The following TJP3 variants were observed in gnomAD, a reference collection of about 807,000 sequenced individuals.
TJP3 encodes tight junction protein 3.
A neutral mutation model predicts 104.2 loss-of-function variants in TJP3; 85 were observed. That is an observed-to-expected ratio of 0.82 (90% CI 0.68 to 0.98). The LOEUF (loss-of-function observed/expected upper bound fraction) is 0.98, where lower values mean the gene tolerates loss of function less well. TJP3 is among the 50% of genes least tolerant of loss of function. The pLI is 0.00. For synonymous variants in TJP3, 550 were observed against 550.6 expected, an observed-to-expected ratio of 1.00 and a Z score of 0.02; for missense variants, 1,367 against 1,322.8, an observed-to-expected ratio of 1.03 and a Z score of -0.52.
rs200607447 is a variant in TJP3 at position 3,730,487 on chromosome 19, G to A, written c.394G>A (p.Gly132Ser). 988 of 1,584,904 alleles carry A rather than the reference G, an allele frequency of 6.2e-4. 1 individual carries two copies. The highest frequency in any genetic ancestry group is 7.8e-4 in the Non-Finnish European group (907 of 1,166,382). The change falls in exon 5 of 21, where the codon GGC becomes AGC. Residue 132 changes from glycine (G) to serine (S), a missense_variant. Transcript: ENST00000541714. The surrounding 1 kb of genome is among the most constrained non-coding windows in gnomAD (Gnocchi z 7.3). ...GGTGGACCAGGGCCGGGGCTATGACGGCGACTCATCCAGTGGCTCCGGCCG... is the reference window on the plus strand; with the variant it reads ...GGTGGACCAGGGCCGGGGCTATGACAGCGACTCATCCAGTGGCTCCGGCCG... ...EEVDQGRGYD[G>S]DSSSGSGRSW...
Position 3,734,507 on chromosome 19 carries a change from C to T in TJP3, c.986+72C>T, listed in dbSNP as rs1053675150. The T allele has an allele frequency of 4.0e-5, 55 of 1,370,598 alleles. No homozygotes were observed. In the East Asian group the frequency reaches 4.8e-4, roughly 12 times the overall value. 84.9% of individuals were successfully genotyped at this position (1,370,598 alleles called of 1,614,324 possible). Reference sequence around the variant, plus strand: ...GGTGGGAGGGAGAGGGGAACGCGGGCGTAGCTTTCCAACTGGGGGTAACCT... The same window carrying T: ...GGTGGGAGGGAGAGGGGAACGCGGGTGTAGCTTTCCAACTGGGGGTAACCT... On this transcript the variant is annotated intron_variant, in intron 8 of 20. Coordinates refer to ENST00000541714, the MANE Select transcript of TJP3 (RefSeq NM_001267560.2).
intron 1 of TJP3, among the ~76,000 whole-genome samples, chr19:3,713,040 CTCCTACTTCAAAGTGCCCCCCATGAG>C (rs1287763160): frequency 3.9e-5 from 6 of 152,056 alleles, no homozygotes; most frequent in Admixed American, 6.6e-5. Context: ...TTCCACACTC[CTCCTACTTCAAAGTGCCCCCCATGAG>C]TCCTACTTCA....
At chr19:3,749,036 T>C (rs1205290700) in intron 19 of TJP3, among the ~76,000 whole-genome samples, 2 of 151,428 alleles carry the variant, frequency 1.3e-5, no homozygotes, top group East Asian at 3.9e-4. Context: ...TTTTTTTTTT[T>C]TTTTAAGGTA....
rs1341066163 is a variant in TJP3 at position 3,735,931 on chromosome 19, C to T, written c.1123C>T (p.Arg375Cys). 4.3e-6 allele frequency: 7 copies of T among 1,614,010 alleles called. No homozygotes were observed. Among genetic ancestry groups the T allele is most frequent in the East Asian group, 4.5e-5 (2 of 44,894 alleles). The change falls in exon 10 of 21, where the codon CGT becomes TGT. Residue 375 changes from arginine to cysteine, a missense_variant. Arg to Cys is a radical substitution (Grantham distance 180). Coordinates refer to ENST00000541714, the MANE Select transcript of TJP3 (RefSeq NM_001267560.2). The stretch of plus-strand genomic sequence containing the variant: ...GCCCAGCAGTCAGAGCATGGAGGAT[C>T]GTGGGTATGTACCCCAGAAGAAAGC... ...RVPSSQSMED[R>C]GYSPDTRVVR...
chr19:3,728,547 G>C, intron 2 of TJP3, 57 bp from the exon 3 acceptor site: 1 of 1,599,060 alleles, frequency 6.3e-7, no homozygotes, highest in East Asian at 2.3e-5. Context: ...TCAATAGAGG[G>C]GAGACCCTTT....
Position 3,750,127 on chromosome 19 carries a change from TCTC to T in TJP3, c.2611-6_2611-4del. On this transcript the variant is annotated splice_region_variant and splice_polypyrimidine_tract_variant and intron_variant, in intron 19 of 20. Coordinates refer to ENST00000541714, the MANE Select transcript of TJP3 (RefSeq NM_001267560.2). ...GGGAGTTTTGAAGCTCCTCTCTCCC[TCTC>T]CTCCAAGGTGGACAGCCGCCACCCC... The T allele has an allele frequency of 6.2e-7, 1 of 1,614,012 alleles. No individual in the cohort carries two copies. The highest frequency in any genetic ancestry group is 8.5e-7 in the Non-Finnish European group (1 of 1,179,980).
chr19:3,717,099 G>A (rs2036485871), intron 1 of TJP3, among the ~76,000 whole-genome samples: 1 of 146,200 alleles, frequency 6.8e-6, no homozygotes, highest in African/African-American at 2.4e-5. Context: ...TCTAGTAGCT[G>A]GGATTACAGG....
Position 3,747,896 on chromosome 19 carries a change from A to T in TJP3, c.2425A>T (p.Thr809Ser), listed in dbSNP as rs1030891672. 1 of 1,613,052 alleles carries T rather than the reference A, an allele frequency of 6.2e-7. No individual in the cohort carries two copies. The highest frequency in any genetic ancestry group is 1.3e-5 in the African/African-American group (1 of 74,896). Residue 809 changes from threonine to serine, a missense_variant, in exon 19 of 21, where the codon ACG (threonine) becomes TCG (serine). By Grantham distance (58) the Thr-to-Ser change is moderately conservative (BLOSUM62 1). Coordinates refer to ENST00000541714, the MANE Select transcript of TJP3 (RefSeq NM_001267560.2). ...CDSRVNSDYE[T>S]DGEGGAYTDG... ...CAGCCGCGTTAACAGCGACTACGAG[A>T]CGGACGGCGAGGGCGGCGCGTACAC...
chr19:3,743,683 G>C (rs147060541), intron 14 of TJP3: 101 of 402,554 alleles, frequency 2.5e-4, no homozygotes, highest in African/African-American at 1.9e-3. Flanking sequence ...AGGCAGGAGA[G>C]GGGCTTATTC....
intron 5 of TJP3, 114 bp from the exon 6 acceptor site, chr19:3,731,821 G>A (rs2036675179): frequency 1.4e-6 from 1 of 715,512 alleles, no homozygotes; most frequent in African/African-American, 1.8e-5. Context: ...TCCTTATGAT[G>A]CCATCAAGGT....
chr19:3,713,980 C>T (rs1390894996), intron 1 of TJP3, among the ~76,000 whole-genome samples: 1 of 151,740 alleles, frequency 6.6e-6, no homozygotes, highest in Non-Finnish European at 1.5e-5. Context: ...CTGTCTCGGC[C>T]TCCCAAAGTG....
chr19:3,718,623 C>G (rs1424069884), intron 1 of TJP3, among the ~76,000 whole-genome samples: 9 of 151,610 alleles, frequency 5.9e-5, no homozygotes. Flanking sequence ...CGTGCGCCAC[C>G]ACGCCCAGCT....
At chr19:3,724,244 G>A (rs143717316) in intron 1 of TJP3, among the ~76,000 whole-genome samples, 1,703 of 151,892 alleles carry the variant, frequency 0.011, 18 homozygotes, top group Middle Eastern at 0.065. Context: ...CGCCCAGGCT[G>A]GAGTGCAGTG....
Position 3,746,869 on chromosome 19 carries a change from A to G in TJP3, c.2315A>G (p.Glu772Gly). 6.2e-7 allele frequency: 1 copy of G among 1,605,830 alleles called. No individual in the cohort carries two copies. Among genetic ancestry groups the G allele is most frequent in the African/African-American group, 1.3e-5 (1 of 74,568 alleles). ...CAGACGCGGCCCATCTGGACGGCGG[A>G]AGATCAGGTACTGCCGCGGTGTGGG... ...EQQTRPIWTAEDQLDGSLEDN... is the reference protein window; with the variant it reads ...EQQTRPIWTAGDQLDGSLEDN... Residue 772 changes from glutamate (E) to glycine (G), a missense_variant, in exon 18 of 21, where the codon GAA becomes GGA. Coordinates refer to ENST00000541714, the MANE Select transcript of TJP3 (RefSeq NM_001267560.2). The surrounding 1 kb of genome is among the most constrained non-coding windows in gnomAD (Gnocchi z 4.1).
intron 1 of TJP3, among the ~76,000 whole-genome samples, chr19:3,714,177 G>A (rs1265736271): frequency 1.3e-5 from 2 of 152,058 alleles, no homozygotes; most frequent in Non-Finnish European, 2.9e-5. Flanking sequence ...AGCCTCCTGA[G>A]TAGCAGGGAT....
rs762975478 is a variant in TJP3, at chr19:3,736,310, C to G, written c.1273C>G (p.Gln425Glu). 5 of 1,532,624 alleles carry G rather than the reference C, an allele frequency of 3.3e-6. No homozygotes were observed. In the South Asian group the frequency reaches 6.4e-5, roughly 20 times the overall value. 94.9% of individuals were successfully genotyped at this position (1,532,624 alleles called of 1,614,324 possible). The change falls in exon 11 of 21, where the codon CAG (glutamine) becomes GAG (glutamate). Residue 425 changes from glutamine to glutamate, a missense_variant. Transcript: ENST00000541714. ...ADGQGIQEGD[Q>E]ILQVNDVPFQ... ...CGGGCAGGGCATCCAGGAGGGAGAT[C>G]AGATTCTGCAGGTGCTCCGGGGGCG...
chr19:3,736,067 T>TG, intron 10 of TJP3, 98 bp from the exon 11 acceptor site: 6 of 1,524,404 alleles, frequency 3.9e-6, no homozygotes, highest in South Asian at 1.2e-5. Flanking sequence ...TTGGGGAAAC[T>TG]GAGGCCTGGA....
intron 19 of TJP3, among the ~76,000 whole-genome samples, chr19:3,748,433 G>A (rs1341559156): frequency 6.6e-6 from 1 of 151,416 alleles, no homozygotes; most frequent in Non-Finnish European, 1.5e-5. Context: ...CACCATGCCC[G>A]GCTAATTTTT....
chr19:3,712,333 C>A (rs2036441508), intron 1 of TJP3, among the ~76,000 whole-genome samples: 1 of 152,004 alleles, frequency 6.6e-6, no homozygotes, highest in Non-Finnish European at 1.5e-5. Flanking sequence ...TCATTCCGTG[C>A]CCAGAATGAC....
Sources: gnomAD v4.1 joint callset for allele counts (sites outside exome capture counted in the v4.1 genomes callset) on GRCh38, gnomAD v4.1.1 for gene constraint, Gnocchi (gnomAD v3.1) non-coding constraint, MANE v1.5 for transcripts, NCBI Gene and HGNC (gene_info 2026-07-23, HGNC 2026-07-21) for gene names.